POLQ: variants seen among roughly 807,000 people sequenced by gnomAD.
POLQ encodes DNA polymerase theta.
Under a neutral mutation model 259.2 loss-of-function variants are expected in POLQ, and 233 were observed. The ratio of observed to expected loss-of-function variants is 0.90; its 90% CI spans 0.81 to 1.00. The LOEUF is 1.00. POLQ is among the 50% of genes least tolerant of loss of function. POLQ has a pLI of 0.00. For synonymous variants in POLQ, 1,025 were observed against 1,048.8 expected, an observed-to-expected ratio of 0.98 and a Z score of 0.44; for missense variants, 2,871 against 3,051.6, an observed-to-expected ratio of 0.94 and a Z score of 1.39.
In POLQ at chr3:121,488,829, GAA is replaced by G. The variant is rs1560097367; in HGVS notation, c.4100_4101del (p.Phe1367SerfsTer11). ...GGAAAAGGAATGTGACACTCCTTCTGAAAAGAGTTCATTGAGTTCTGTTGGAC... is the reference window on the plus strand; with the variant it reads ...GGAAAAGGAATGTGACACTCCTTCTGAAGAGTTCATTGAGTTCTGTTGGAC... ...SLVQQNSMNS[F>X]QKECHIPFPA... On this transcript the variant is annotated frameshift_variant, in exon 16 of 30. Coordinates refer to ENST00000264233, the MANE Select transcript of POLQ (RefSeq NM_199420.4). LOFTEE classifies it high-confidence loss of function. 3.7e-6 allele frequency: 6 copies of G among 1,613,874 alleles called. No homozygotes were observed. The highest frequency in any genetic ancestry group is 1.7e-5 in the Admixed American group (1 of 59,998).
chr3:121,432,375 G>T lies in POLQ; in HGVS notation c.7702C>A (p.Leu2568Met). Residue 2568 changes from leucine to methionine, a missense_variant, in exon 30 of 30, where the codon CTG becomes ATG. Physicochemically the swap from Leu to Met is conservative, Grantham distance 15. Transcript: ENST00000264233. ...VKNEMESAVK[L>M]SVKLKVKVKI... ...ACTTTCACTTTCAATTTCACAGACA[G>T]TTTTACAGCACTTTCCATTTCATTC... The T allele has an allele frequency of 6.2e-7, 1 of 1,609,586 alleles. No homozygotes were observed. Among genetic ancestry groups the T allele is most frequent in the Non-Finnish European group, 8.5e-7 (1 of 1,177,812 alleles).
chr3:121,495,308 G>A (rs1200750738), intron 14 of POLQ, among the ~76,000 whole-genome samples: 1 of 152,082 alleles, frequency 6.6e-6, no homozygotes, highest in African/African-American at 2.4e-5. Flanking sequence ...CCACCTAGAG[G>A]AAAACAAGAG....
chr3:121,455,784 C>G (rs887706953), intron 25 of POLQ, among the ~76,000 whole-genome samples: 100 of 152,200 alleles, frequency 6.6e-4, no homozygotes, highest in African/African-American at 2.3e-3. Flanking sequence ...GATGGATTCA[C>G]AGCCAAATTC....
In POLQ at chr3:121,483,318, C is replaced by G. The variant is rs189873617; in HGVS notation, c.5970+68G>C. The G allele has an allele frequency of 1.8e-5, 15 of 831,470 alleles. No individual in the cohort carries two copies. In the African/African-American group the frequency reaches 2.7e-4, roughly 15 times the overall value. The allele number at this position is 831,470 out of a possible 1,614,324, so 51.5% of individuals were successfully genotyped here. ...TGCATTATTGATGCTAAGTAAATAC[C>G]AAGTCATTTAAGAATTAACACTAAA... On this transcript the variant is annotated intron_variant, in intron 18 of 29. Coordinates refer to ENST00000264233, the MANE Select transcript of POLQ (RefSeq NM_199420.4).
In POLQ at chr3:121,443,779, G is replaced by T. The variant is rs2047612284; in HGVS notation, c.7265-3663C>A. On this transcript the variant is annotated intron_variant, in intron 26 of 29. Coordinates refer to ENST00000264233, the MANE Select transcript of POLQ (RefSeq NM_199420.4). ...TGATTTTATTTTGTATATATAGAGA[G>T]ATAGGGGTCCAGTTTCATTCTTCTG... is the stretch of plus-strand genomic sequence containing the variant. 2.0e-5 allele frequency among the ~76,000 whole-genome samples: 3 copies of T among 152,116 alleles called. No individual in the cohort carries two copies. In the South Asian group the frequency reaches 6.2e-4, roughly 32 times the overall value.
intron 12 of POLQ, among the ~76,000 whole-genome samples, chr3:121,504,812 G>A (rs1489916222): frequency 6.6e-6 from 1 of 152,088 alleles, no homozygotes; most frequent in African/African-American, 2.4e-5. Context: ...GCTCATCAGT[G>A]GAAAGCACTA....
At position 121,488,496 on chromosome 3, in the gene POLQ, G is replaced by A. The variant is rs149344067; in HGVS notation, c.4435C>T (p.Pro1479Ser). Residue 1479 changes from proline (P) to serine (S), a missense_variant, in exon 16 of 30, where the codon CCT becomes TCT. Physicochemically the swap from Pro to Ser is moderately conservative, Grantham distance 74 (BLOSUM62 -1). This residue lies in a region of POLQ where 2,080 missense variants were observed against 2,126.0 expected (regional missense o/e 0.98). Transcript: ENST00000264233. ...TCACTCATATTCAAACTTGTTTCAG[G>A]AACTGGAAGACATTCTCCTTCTACA... Reference protein sequence around the residue: ...TGVEGECLPVPETSLNMSDSL... With the variant: ...TGVEGECLPVSETSLNMSDSL... The A allele has an allele frequency of 1.2e-6, 2 of 1,608,120 alleles. No individual in the cohort carries two copies. Among genetic ancestry groups the A allele is most frequent in the Middle Eastern group, 1.7e-4 (1 of 6,056 alleles).
intron 8 of POLQ, among the ~76,000 whole-genome samples, chr3:121,521,090 T>C (rs757918002): frequency 7.2e-5 from 11 of 152,162 alleles, no homozygotes; most frequent in Non-Finnish European, 1.2e-4. Flanking sequence ...TATATAGTAG[T>C]TTTCCCCCAT....
At chr3:121,472,694 T>C (rs1390072509) in intron 21 of POLQ, among the ~76,000 whole-genome samples, 1 of 152,198 alleles carries the variant, frequency 6.6e-6, no homozygotes, top group Non-Finnish European at 1.5e-5. Flanking sequence ...AATTGTGCTA[T>C]AGCCTGGAGC....
At chr3:121,474,822 T>C (rs73855396) in intron 20 of POLQ, among the ~76,000 whole-genome samples, 2,127 of 152,306 alleles carry the variant, frequency 0.014, 54 homozygotes, top group African/African-American at 0.048. Context: ...AAATGCCCAG[T>C]TAAATTTGAG....
chr3:121,488,161 T>A lies in POLQ; in HGVS notation c.4770A>T (p.Ala1590=). 1.9e-6 allele frequency: 3 copies of A among 1,613,472 alleles called. No individual in the cohort carries two copies. Among genetic ancestry groups the A allele is most frequent in the Non-Finnish European group, 2.5e-6 (3 of 1,179,626 alleles). ...EKNHTVVSPR[A]LELSDPVLDE... is the part of the protein sequence containing the mutation. The stretch of plus-strand genomic sequence containing the variant: ...CAAGTACTGGATCACTTAGTTCTAA[T>A]GCTCTAGGAGATACTACAGTATGAT... The change falls in exon 16 of 30, where the codon GCA becomes GCT. Residue 1590 remains alanine (A), a synonymous_variant. Transcript: ENST00000264233.
intron 23 of POLQ, 128 bp downstream of exon 23, chr3:121,468,177 C>A: frequency 1.4e-6 from 1 of 720,986 alleles, no homozygotes; most frequent in Middle Eastern, 3.0e-4. Context: ...TCAAAACGGT[C>A]TAGGACAGAA....
At chr3:121,480,150 A>G (rs2047959187) in intron 19 of POLQ, among the ~76,000 whole-genome samples, 1 of 151,588 alleles carries the variant, frequency 6.6e-6, no homozygotes, top group South Asian at 2.1e-4. Context: ...GTGGAGTAAT[A>G]AAAAGAAAAA....
At chr3:121,466,499 T>A (rs2047837934) in intron 24 of POLQ, among the ~76,000 whole-genome samples, 1 of 151,962 alleles carries the variant, frequency 6.6e-6, no homozygotes, top group South Asian at 2.1e-4. Context: ...GAGACCAGCC[T>A]GACCAACGTG....
chr3:121,459,884 A>G (rs2047777026), intron 25 of POLQ, among the ~76,000 whole-genome samples, 166 bp downstream of exon 25: 1 of 152,168 alleles, frequency 6.6e-6, no homozygotes, highest in Admixed American at 6.5e-5. Context: ...TGCCTCCACA[A>G]AAGAAAATAT....
At chr3:121,541,517 G>C (rs763635390) in intron 2 of POLQ, 38 bp from the exon 3 acceptor site, 1 of 1,536,204 alleles carries the variant, frequency 6.5e-7, no homozygotes, top group Non-Finnish European at 8.9e-7. Context: ...TAAGAAAAAA[G>C]TAATATTCGG....
chr3:121,494,857 C>T lies in POLQ; in HGVS notation c.2279-1136G>A, dbSNP rs1013338455. ...TGGGTCCTAAGTCTGTGGCTCGTAT[C>T]ACCAAGCTCGAAAAGGCAAAGGCTA... On this transcript the variant is annotated intron_variant, in intron 14 of 29. Coordinates refer to ENST00000264233, the MANE Select transcript of POLQ (RefSeq NM_199420.4). The T allele has an allele frequency of 4.4e-6, 7 of 1,585,746 alleles. No individual in the cohort carries two copies. The African/African-American group carries it at 9.4e-5, about 21-fold the overall frequency.
chr3:121,481,679 T>C lies in POLQ; in HGVS notation c.6104A>G (p.Asn2035Ser), dbSNP rs1231754061. ...TSQGIQSLGL[N>S]AGSEHSGRYR... is the part of the protein sequence containing the mutation. Reference sequence around the variant, plus strand: ...TCGCCCAGAATGCTCACTGCCAGCATTTAGCCCCAGGCTTTGAATCCCTTG... The same window carrying C: ...TCGCCCAGAATGCTCACTGCCAGCACTTAGCCCCAGGCTTTGAATCCCTTG... Residue 2035 changes from asparagine to serine, a missense_variant, in exon 19 of 30, where the codon AAT becomes AGT. Transcript: ENST00000264233. The C allele has an allele frequency of 6.2e-7, 1 of 1,614,132 alleles. No individual in the cohort carries two copies. The highest frequency in any genetic ancestry group is 1.7e-5 in the Admixed American group (1 of 60,000).
In POLQ at chr3:121,488,214, C is replaced by T. The variant is rs1166503106; in HGVS notation, c.4717G>A (p.Val1573Met). The part of the protein sequence containing the change: ...SVQMVEALDN[V>M]DIFPVQEKNH... ...TTCTCTTGGACAGGAAATATATCCACATTGTCCAAAGCTTCAACCATCTGA... is the reference window on the plus strand; with the variant it reads ...TTCTCTTGGACAGGAAATATATCCATATTGTCCAAAGCTTCAACCATCTGA... Residue 1573 changes from valine (V) to methionine (M), a missense_variant, in exon 16 of 30, where the codon GTG becomes ATG. Val to Met is a conservative substitution (Grantham distance 21). This residue lies in a region of POLQ where 2,080 missense variants were observed against 2,126.0 expected (regional missense o/e 0.98). Coordinates refer to ENST00000264233, the MANE Select transcript of POLQ (RefSeq NM_199420.4). The T allele has an allele frequency of 6.2e-7, 1 of 1,613,322 alleles. No homozygotes were observed. The highest frequency in any genetic ancestry group is 1.3e-5 in the African/African-American group (1 of 74,942).
Sources: allele counts gnomAD v4.1 joint callset (sites outside exome capture counted in the v4.1 genomes callset), GRCh38; gene constraint gnomAD v4.1.1; regional missense constraint gnomAD v4.1.1; transcripts MANE v1.5; gene names NCBI Gene and HGNC (gene_info 2026-07-23, HGNC 2026-07-21).